The following NUP210 variants were observed in gnomAD, a reference collection of about 807,000 sequenced individuals.
The protein encoded by NUP210 is nucleoporin 210, also known as nuclear pore membrane glycoprotein 210.
A neutral mutation model predicts 196.0 loss-of-function variants in NUP210; 151 were observed. The ratio of observed to expected loss-of-function variants is 0.77; its 90% CI spans 0.67 to 0.88. NUP210 has a LOEUF of 0.88. Among genes scored for constraint, NUP210 ranks in the 40% least tolerant of loss-of-function variants. The probability of loss-of-function intolerance (pLI) is 0.00; values close to 1 mark genes in which losing one functional copy is unlikely to be tolerated. For missense variants in NUP210, 2,314 were observed against 2,493.7 expected, an observed-to-expected ratio of 0.93 and a Z score of 1.53; for synonymous variants, 1,070 against 1,052.7, an observed-to-expected ratio of 1.02 and a Z score of -0.32.
At chr3:13,351,579 G>A (rs112551516) in intron 20 of NUP210, 109 of 317,352 alleles carry the variant, frequency 3.4e-4, no homozygotes, top group African/African-American at 1.8e-3. Context: ...CTCAACCTCC[G>A]GGGCTCAAGC....
chr3:13,325,223 A>G (rs1696699456), intron 33 of NUP210, among the ~76,000 whole-genome samples: 1 of 152,140 alleles, frequency 6.6e-6, no homozygotes, highest in African/African-American at 2.4e-5. Context: ...GCACAGCTGT[A>G]TTGTCACAGG....
chr3:13,322,813 A>C (rs998589204), intron 34 of NUP210, among the ~76,000 whole-genome samples: 5 of 152,246 alleles, frequency 3.3e-5, no homozygotes, highest in Non-Finnish European at 5.9e-5. Context: ...CAGGACGAGA[A>C]GGGCGGTGCT....
chr3:13,345,648 A>G (rs1697692808), intron 20 of NUP210, among the ~76,000 whole-genome samples: 1 of 152,226 alleles, frequency 6.6e-6, no homozygotes, highest in Admixed American at 6.5e-5. Context: ...ACAATGACTT[A>G]CAGTAGATGA....
intron 16 of NUP210, 149 bp downstream of exon 16, chr3:13,358,073 C>A (rs1045525445): frequency 9.3e-6 from 6 of 645,254 alleles, no homozygotes; most frequent in East Asian, 3.0e-5. Context: ...ATGAAACCAG[C>A]GTCCTCACAG....
At chr3:13,354,724 C>T (rs1698110995) in intron 16 of NUP210, 1 of 152,364 alleles carries the variant, frequency 6.6e-6, no homozygotes, top group African/African-American at 2.4e-5. Context: ...GGAATACTCG[C>T]CTAATCCTTA....
At chr3:13,359,482 A>C (rs1698297778) in intron 15 of NUP210, among the ~76,000 whole-genome samples, 1 of 152,172 alleles carries the variant, frequency 6.6e-6, no homozygotes, top group African/African-American at 2.4e-5. Context: ...TGATACCATA[A>C]GGGCACCGTG....
At position 13,343,192 on chromosome 3, in the gene NUP210, T is replaced by G. The variant is rs745552274; in HGVS notation, c.2947A>C (p.Ile983Leu). Residue 983 changes from isoleucine (I) to leucine (L), a missense_variant, in exon 21 of 40, where the codon ATC becomes CTC. Coordinates refer to ENST00000254508, the MANE Select transcript of NUP210 (RefSeq NM_024923.4). ...CCACTGACCTTGTCAACCACACGGA[T>G]GTACAGCTCCTGAATGTCCGACACG... ...VYVSDIQELY[I>L]RVVDKVEIGK... 6.2e-7 allele frequency: 1 copy of G among 1,614,048 alleles called. No homozygotes were observed. Among genetic ancestry groups the G allele is most frequent in the East Asian group, 2.2e-5 (1 of 44,898 alleles).
At chr3:13,406,808 A>C (rs1576425955) in intron 1 of NUP210, among the ~76,000 whole-genome samples, 2 of 151,438 alleles carry the variant, frequency 1.3e-5, no homozygotes, top group African/African-American at 2.4e-5. Flanking sequence ...TGTCTGCCCT[A>C]CCCTCCCACT....
At chr3:13,416,993 C>G (rs1367661309) in intron 1 of NUP210, among the ~76,000 whole-genome samples, 1 of 152,148 alleles carries the variant, frequency 6.6e-6, no homozygotes, top group Non-Finnish European at 1.5e-5. Flanking sequence ...TTAAAAGGAG[C>G]AAATGTAATA....
intron 3 of NUP210, among the ~76,000 whole-genome samples, chr3:13,396,744 GA>G (rs1699668191): frequency 8.8e-6 from 1 of 114,108 alleles, no homozygotes; most frequent in Non-Finnish European, 1.7e-5. Context: ...TGAGCAACAA[GA>G]GCAAGACTCT....
rs147811711 is a variant in NUP210 at position 13,351,927 on chromosome 3, G to A, written c.2787C>T (p.Thr929=). ...GSGYFFLNTS[T]ADVVKVAYQE... Reference sequence around the variant, plus strand: ...GGTAGGCCACCTTGACAACATCTGCGGTGCTGGTGTTGAGGAAGAAGTAAC... The same window carrying A: ...GGTAGGCCACCTTGACAACATCTGCAGTGCTGGTGTTGAGGAAGAAGTAAC... The change falls in exon 20 of 40, where the codon ACC becomes ACT. Residue 929 remains threonine (T), a synonymous_variant. Transcript: ENST00000254508. The A allele has an allele frequency of 2.5e-5, 40 of 1,613,738 alleles. No individual in the cohort carries two copies. The highest frequency in any genetic ancestry group is 8.3e-5 in the Admixed American group (5 of 59,992).
At chr3:13,391,725 T>C (rs990576611) in intron 3 of NUP210, among the ~76,000 whole-genome samples, 3 of 134,690 alleles carry the variant, frequency 2.2e-5, no homozygotes, top group African/African-American at 8.2e-5. Flanking sequence ...TCTCCCTCCC[T>C]GTGCAGGGGA....
intron 1 of NUP210, among the ~76,000 whole-genome samples, chr3:13,410,273 C>T (rs997966273): frequency 5.4e-5 from 8 of 148,418 alleles, no homozygotes; most frequent in African/African-American, 2.0e-4. Flanking sequence ...CTCCACCTCC[C>T]AGGTTCAAGT....
intron 32 of NUP210, 126 bp from the exon 33 acceptor site, chr3:13,326,057 C>T: frequency 1.6e-6 from 2 of 1,267,142 alleles, no homozygotes; most frequent in East Asian, 2.4e-5. Flanking sequence ...GCTCACTCAG[C>T]AGCCTCAGGA....
At chr3:13,325,171 C>T (rs1696697581) in intron 33 of NUP210, among the ~76,000 whole-genome samples, 1 of 152,224 alleles carries the variant, frequency 6.6e-6, no homozygotes. Flanking sequence ...ACACCTTTGT[C>T]CATGCCACCC....
intron 1 of NUP210, among the ~76,000 whole-genome samples, chr3:13,416,004 G>A (rs1040004794): frequency 2.6e-5 from 4 of 152,142 alleles, no homozygotes; most frequent in Non-Finnish European, 5.9e-5. Context: ...AGCAAAGAGG[G>A]ACTCCCCAGG....
rs753270935 is a variant in NUP210 at position 13,341,844 on chromosome 3, G to C, written c.3132C>G (p.Phe1044Leu). The change falls in exon 23 of 40, where the codon TTC becomes TTG. Residue 1044 changes from phenylalanine (F) to leucine (L), a missense_variant. Phe to Leu is a conservative substitution (Grantham distance 22, BLOSUM62 0). Transcript: ENST00000254508. ...DEALDNYTIT[F>L]LIRGVAIGQT... is the part of the protein sequence containing the mutation. ...GGCCGATGGCCACACCGCGGATGAG[G>C]AATGTGATGGTGTAGTTGTCAAGGG... 1 of 1,614,220 alleles carries C rather than the reference G, an allele frequency of 6.2e-7. No individual in the cohort carries two copies. Among genetic ancestry groups the C allele is most frequent in the South Asian group, 1.1e-5 (1 of 91,080 alleles).
At chr3:13,344,818 C>T (rs888716336) in intron 20 of NUP210, 5 of 590,864 alleles carry the variant, frequency 8.5e-6, no homozygotes, top group Non-Finnish European at 1.1e-5. Flanking sequence ...CTCCGGGCCT[C>T]GCAGCCCACC....
At chr3:13,322,585 C>T (rs1387809924) in intron 34 of NUP210, among the ~76,000 whole-genome samples, 1 of 152,258 alleles carries the variant, frequency 6.6e-6, no homozygotes, top group Admixed American at 6.5e-5. Context: ...GCATTTGTTC[C>T]AGACCTTGCA....
Sources: allele counts gnomAD v4.1 joint callset (sites outside exome capture counted in the v4.1 genomes callset), GRCh38; gene constraint gnomAD v4.1.1; transcripts MANE v1.5; gene names NCBI Gene and HGNC (gene_info 2026-07-23, HGNC 2026-07-21).